Variants in CDC73 observed in about 807,000 individuals in gnomAD.
CDC73 encodes the protein parafibromin.
In CDC73, 21 loss-of-function variants were observed where a neutral mutation model predicts 83.7. The ratio of observed to expected loss-of-function variants is 0.25; its 90% CI spans 0.18 to 0.36. The LOEUF is 0.36. Ranked by LOEUF, CDC73 falls within the 10% of genes least tolerant of loss-of-function variation. The pLI is 1.00. For synonymous variants in CDC73, 224 were observed against 212.9 expected (o/e 1.05, Z -0.45); for missense variants, 342 against 653.3 (o/e 0.52, Z 5.19).
chr1:193,132,833 GA>G (rs1162902576), intron 3 of CDC73, among the ~76,000 whole-genome samples: 4 of 149,896 alleles, frequency 2.7e-5, no homozygotes, highest in Non-Finnish European at 4.4e-5. Context: ...TAGAGCAAAT[GA>G]TTTTTCTTTT....
Position 193,239,498 on chromosome 1 carries a change from C to G in CDC73, c.1417+3142C>G, listed in dbSNP as rs543652269. ...TAAATACTGATTTGCATAAAATTGC[C>G]AAATAAAATCTTTACAAATTTAGAA... On this transcript the variant is annotated intron_variant, in intron 15 of 16. Transcript: ENST00000367435. 1.1e-4 allele frequency among the ~76,000 whole-genome samples: 16 copies of G among 152,082 alleles called. 1 individual carries two copies. The East Asian group carries it at 1.5e-3, about 15-fold the overall frequency.
intron 3 of CDC73, among the ~76,000 whole-genome samples, chr1:193,131,607 A>G (rs1675694631): frequency 6.6e-6 from 1 of 152,176 alleles, no homozygotes; most frequent in Non-Finnish European, 1.5e-5. Context: ...CCTCTGCCTA[A>G]ATCTCTGTGA....
chr1:193,175,548 A>G (rs1676586407), intron 10 of CDC73, among the ~76,000 whole-genome samples: 1 of 152,242 alleles, frequency 6.6e-6, no homozygotes, highest in African/African-American at 2.4e-5. Context: ...TATTAAAAAC[A>G]AAAAACAAAA....
intron 11 of CDC73, among the ~76,000 whole-genome samples, chr1:193,210,195 G>T (rs1206751769): frequency 6.6e-6 from 1 of 152,170 alleles, no homozygotes; most frequent in African/African-American, 2.4e-5. Context: ...CTGTGGCTGG[G>T]AAGGTCATAC....
intron 9 of CDC73, among the ~76,000 whole-genome samples, chr1:193,151,318 A>G (rs1175569311): frequency 2.0e-5 from 3 of 152,230 alleles, no homozygotes; most frequent in Admixed American, 2.0e-4. Context: ...TGCACTGGAT[A>G]TGTGCCATAG....
At chr1:193,133,799 ACT>A (rs1023676776) in intron 3 of CDC73, among the ~76,000 whole-genome samples, 7 of 152,138 alleles carry the variant, frequency 4.6e-5, no homozygotes, top group African/African-American at 1.7e-4. Flanking sequence ...AAGACCAAAC[ACT>A]CTATGGATTA....
chr1:193,203,114 C>A (rs1572195948), intron 10 of CDC73, among the ~76,000 whole-genome samples: 1 of 152,026 alleles, frequency 6.6e-6, no homozygotes, highest in Non-Finnish European at 1.5e-5. Context: ...TAAAAACAGA[C>A]ATTTTAAGAA....
At chr1:193,204,454 T>A (rs1044254321) in intron 11 of CDC73, among the ~76,000 whole-genome samples, 12 of 151,490 alleles carry the variant, frequency 7.9e-5, no homozygotes, top group Non-Finnish European at 1.6e-4. Context: ...CACGCCCGGC[T>A]AATTTTTTGT....
At chr1:193,232,492 G>T (rs1572214932) in intron 13 of CDC73, among the ~76,000 whole-genome samples, 1 of 152,302 alleles carries the variant, frequency 6.6e-6, no homozygotes, top group Non-Finnish European at 1.5e-5. Context: ...TAGGGTCTGA[G>T]TGAGCTTGAG....
intron 14 of CDC73, among the ~76,000 whole-genome samples, chr1:193,234,361 A>AAATTAT (rs200922190): frequency 0.16 from 22,111 of 139,334 alleles, 2,103 homozygotes; most frequent in Middle Eastern, 0.23. Flanking sequence ...TATATATTTA[A>AAATTAT]AATTATAATT....
chr1:193,161,497 CTATA>C (rs1406958516), intron 10 of CDC73, among the ~76,000 whole-genome samples: 1 of 143,684 alleles, frequency 7.0e-6, no homozygotes, highest in African/African-American at 2.6e-5. Context: ...ATTTTTGAAA[CTATA>C]TAAGATCAAA....
At chr1:193,187,105 C>CTTAGAT (rs1558303798) in intron 10 of CDC73, among the ~76,000 whole-genome samples, 5,937 of 86,682 alleles carry the variant, frequency 0.068, 1,656 homozygotes, top group African/African-American at 0.21. Context: ...ATTTAGATCC[C>CTTAGAT]CCCCCCCGTT....
At chr1:193,240,681 C>T (rs983020764) in intron 15 of CDC73, among the ~76,000 whole-genome samples, 1 of 151,926 alleles carries the variant, frequency 6.6e-6, no homozygotes, top group East Asian at 1.9e-4. Flanking sequence ...CTGTTCATGT[C>T]CTTTGCCCAC....
intron 10 of CDC73, among the ~76,000 whole-genome samples, chr1:193,176,709 T>C (rs1247231698): frequency 6.6e-6 from 1 of 152,188 alleles, no homozygotes; most frequent in Non-Finnish European, 1.5e-5. Context: ...TGAAATTTCC[T>C]AGTTAAACAG....
chr1:193,146,358 A>G (rs1186381174), intron 7 of CDC73, among the ~76,000 whole-genome samples: 1 of 152,182 alleles, frequency 6.6e-6, no homozygotes, highest in Non-Finnish European at 1.5e-5. Flanking sequence ...TGCTGTGGAT[A>G]TCACAGACTG....
intron 10 of CDC73, chr1:193,181,384 A>T: frequency 1.2e-6 from 2 of 1,614,040 alleles, no homozygotes; most frequent in Non-Finnish European, 1.7e-6. Context: ...AGTGTATGTC[A>T]CAGGGTTTTC....
intron 10 of CDC73, chr1:193,178,965 TTAG>T (rs1423028304): frequency 1.3e-5 from 2 of 151,404 alleles, no homozygotes; most frequent in African/African-American, 2.4e-5. Flanking sequence ...ACTATTTTAG[TTAG>T]TAGGTTGGTA....
intron 14 of CDC73, 94 bp downstream of exon 14, chr1:193,233,248 A>C: frequency 1.8e-6 from 2 of 1,137,112 alleles, no homozygotes; most frequent in Middle Eastern, 2.8e-4. Flanking sequence ...TTTTTAAGAG[A>C]TGGGGTCTCA....
At position 193,175,627 on chromosome 1, in the gene CDC73, A is replaced by G. The variant is rs138527576; in HGVS notation, c.972+23183A>G. 1.9e-3 allele frequency among the ~76,000 whole-genome samples: 282 copies of G among 152,356 alleles called. 1 individual carries two copies. The highest frequency in any genetic ancestry group is 4.4e-3 in the Admixed American group (67 of 15,302). On this transcript the variant is annotated intron_variant, in intron 10 of 16. Coordinates refer to ENST00000367435, the MANE Select transcript of CDC73 (RefSeq NM_024529.5). ...GTGTGAGTTATTTTTTTCTTAAACA[A>G]TACAGCATAACAACTATTTACATAG...
Sources: allele counts gnomAD v4.1 joint callset (sites outside exome capture counted in the v4.1 genomes callset), GRCh38; gene constraint gnomAD v4.1.1; transcripts MANE v1.5; gene names NCBI Gene and HGNC (gene_info 2026-07-23, HGNC 2026-07-21).